The following TSNARE1 variants were observed in gnomAD, a reference collection of about 807,000 sequenced individuals.
TSNARE1 encodes the protein t-SNARE domain containing 1.
A neutral mutation model predicts 62.0 loss-of-function variants in TSNARE1; 49 were observed. The ratio of observed to expected loss-of-function variants is 0.79; its 90% confidence interval spans 0.63 to 1.00. TSNARE1 has a LOEUF of 1.00. TSNARE1 is among the 50% of genes least tolerant of loss of function. TSNARE1 has a pLI of 0.00. For missense variants in TSNARE1, 755 were observed against 700.1 expected (o/e 1.08, Z -0.88); for synonymous variants, 328 against 294.4 (o/e 1.11, Z -1.17).
chr8:142,267,585 C>T (rs1819200700), intron 12 of TSNARE1, among the ~76,000 whole-genome samples: 1 of 152,186 alleles, frequency 6.6e-6, no homozygotes. Flanking sequence ...CCACCCTGGG[C>T]TCTCAGTCTG....
intron 9 of TSNARE1, among the ~76,000 whole-genome samples, chr8:142,305,334 A>G (rs1586690845): frequency 1.1e-5 from 1 of 91,758 alleles, no homozygotes; most frequent in Non-Finnish European, 2.1e-5. Context: ...TCAGGAGGAT[A>G]GGGGAGGGCG....
At chr8:142,400,397 G>C (rs556289586) in intron 1 of TSNARE1, among the ~76,000 whole-genome samples, 51 of 150,210 alleles carry the variant, frequency 3.4e-4, no homozygotes, top group African/African-American at 1.3e-3. Flanking sequence ...AGTGAACCAA[G>C]ATTGCACCAA....
chr8:142,270,691 C>T, intron 12 of TSNARE1: 5 of 985,394 alleles, frequency 5.1e-6, no homozygotes, highest in Non-Finnish European at 6.0e-6. Context: ...GGCTGAGCCA[C>T]CCTTTCCAGA....
At chr8:142,247,289 G>A (rs917087598) in intron 12 of TSNARE1, among the ~76,000 whole-genome samples, 13 of 152,214 alleles carry the variant, frequency 8.5e-5, no homozygotes, top group Non-Finnish European at 1.6e-4. Context: ...GAGGCTCGGG[G>A]TCCAGCCCCC....
intron 12 of TSNARE1, among the ~76,000 whole-genome samples, chr8:142,260,215 C>A (rs1818787473): frequency 6.6e-6 from 1 of 152,120 alleles, no homozygotes; most frequent in Non-Finnish European, 1.5e-5. Flanking sequence ...GGGGCAGGCC[C>A]CTAATTTTAC....
At chr8:142,357,412 G>C (rs989145978) in intron 1 of TSNARE1, among the ~76,000 whole-genome samples, 2 of 152,306 alleles carry the variant, frequency 1.3e-5, no homozygotes, top group East Asian at 3.9e-4. Context: ...ATGGTGGGGC[G>C]CTGGTGGGGC....
At chr8:142,400,408 C>A (rs950090968) in intron 1 of TSNARE1, among the ~76,000 whole-genome samples, 1 of 150,054 alleles carries the variant, frequency 6.7e-6, no homozygotes, top group Non-Finnish European at 1.5e-5. Context: ...ATTGCACCAA[C>A]GCCCTCCAGC....
Position 142,344,058 on chromosome 8 carries a change from G to T in TSNARE1, c.653C>A (p.Ala218Asp). 6.2e-7 allele frequency: 1 copy of T among 1,601,124 alleles called. No homozygotes were observed. Among genetic ancestry groups the T allele is most frequent in the Non-Finnish European group, 8.5e-7 (1 of 1,172,272 alleles). ...CTGCTCCACGGGCGTGAGAGCCAGG[G>T]CCTGGGGCTTGCCGGAACCAGGGCT... ...GPSPGSGKPQ[A>D]LALTPVEQVV... Residue 218 changes from alanine (A) to aspartate (D), a missense_variant, in exon 4 of 14, where the codon GCC becomes GAC. Coordinates refer to ENST00000524325, the MANE Select transcript of TSNARE1 (RefSeq NM_145003.5).
At chr8:142,219,581 G>A (rs561304268) in intron 13 of TSNARE1, among the ~76,000 whole-genome samples, 82 of 152,336 alleles carry the variant, frequency 5.4e-4, no homozygotes, top group African/African-American at 1.9e-3. Flanking sequence ...TCTCCTGACC[G>A]ACACGTGGCC....
intron 12 of TSNARE1, among the ~76,000 whole-genome samples, chr8:142,267,703 T>G (rs374437008): frequency 6.6e-6 from 1 of 152,222 alleles, no homozygotes; most frequent in East Asian, 1.9e-4. Flanking sequence ...TGGAAGGCCC[T>G]GCAGGCAAGC....
chr8:142,288,379 C>T (rs1439298822), intron 10 of TSNARE1, among the ~76,000 whole-genome samples: 1 of 152,182 alleles, frequency 6.6e-6, no homozygotes, highest in Non-Finnish European at 1.5e-5. Flanking sequence ...GTTCCCAAGA[C>T]AGGCAGAGAC....
intron 13 of TSNARE1, among the ~76,000 whole-genome samples, chr8:142,212,807 T>TC (rs78538097): frequency 8.6e-6 from 1 of 116,354 alleles, no homozygotes; most frequent in Non-Finnish European, 1.7e-5. Context: ...CTCCAATCCT[T>TC]CCCCCCCCTG....
At chr8:142,248,447 TTCTC>T (rs954657383) in intron 12 of TSNARE1, among the ~76,000 whole-genome samples, 1 of 151,664 alleles carries the variant, frequency 6.6e-6, no homozygotes, top group Admixed American at 6.6e-5. Context: ...GCTCCTGGTG[TTCTC>T]TCTCTCTCAG....
chr8:142,381,091 G>A (rs771450077), intron 1 of TSNARE1, among the ~76,000 whole-genome samples: 6 of 152,240 alleles, frequency 3.9e-5, no homozygotes, highest in Non-Finnish European at 8.8e-5. Context: ...AATCAGGGCC[G>A]TCAGGGCCTT....
intron 12 of TSNARE1, among the ~76,000 whole-genome samples, chr8:142,230,066 G>C (rs747159060): frequency 1.3e-5 from 2 of 152,210 alleles, no homozygotes; most frequent in Non-Finnish European, 2.9e-5. Context: ...GTATATTCTT[G>C]TGGCTATTAC....
intron 12 of TSNARE1, among the ~76,000 whole-genome samples, chr8:142,233,403 C>T (rs1817222740): frequency 6.6e-6 from 1 of 152,150 alleles, no homozygotes; most frequent in Admixed American, 6.5e-5. Flanking sequence ...TGGCCTCATC[C>T]ACATCAAGCC....
intron 4 of TSNARE1, among the ~76,000 whole-genome samples, chr8:142,341,094 T>C (rs1832525899): frequency 6.6e-6 from 1 of 151,926 alleles, no homozygotes; most frequent in African/African-American, 2.4e-5. Context: ...ACTCTCACAC[T>C]CCCCCAGACC....
chr8:142,310,569 C>T (rs1189650850), intron 9 of TSNARE1, among the ~76,000 whole-genome samples: 1 of 151,358 alleles, frequency 6.6e-6, no homozygotes, highest in Non-Finnish European at 1.5e-5. Context: ...GTTTTCACTT[C>T]ACCTTTATTT....
In TSNARE1 at chr8:142,345,805, T is replaced by G. The variant is rs773308268; in HGVS notation, c.176A>C (p.Lys59Thr). The change falls in exon 3 of 14, where the codon AAG becomes ACG. Residue 59 changes from lysine (K) to threonine (T), a missense_variant. Lys to Thr is a moderately conservative substitution (Grantham distance 78). Transcript: ENST00000524325. ...ESKLQNRCVG[K>T]DGEGDLGPAG... Reference sequence around the variant, plus strand: ...TGGCCCCAGATCACCTTCCCCGTCCTTCCCCACACAGCGGTTCTGCAGCTT... The same window carrying G: ...TGGCCCCAGATCACCTTCCCCGTCCGTCCCCACACAGCGGTTCTGCAGCTT... The G allele has an allele frequency of 6.2e-7, 1 of 1,613,866 alleles. No individual in the cohort carries two copies. Among genetic ancestry groups the G allele is most frequent in the Admixed American group, 1.7e-5 (1 of 59,990 alleles).
Sources: gnomAD v4.1 joint callset for allele counts (sites outside exome capture counted in the v4.1 genomes callset) on GRCh38, gnomAD v4.1.1 for gene constraint, MANE v1.5 for transcripts, NCBI Gene and HGNC (gene_info 2026-07-23, HGNC 2026-07-21) for gene names.